LAMA2: variants seen among roughly 807,000 people sequenced by gnomAD.
The protein encoded by LAMA2 is laminin subunit alpha 2.
Under a neutral mutation model 364.8 loss-of-function variants are expected in LAMA2, and 269 were observed. The observed-to-expected ratio is 0.74, with a 90% CI of 0.67 to 0.82. The LOEUF (loss-of-function observed/expected upper bound fraction) is 0.82, where lower values mean the gene tolerates loss of function less well. Ranked by LOEUF, LAMA2 falls within the 40% of genes least tolerant of loss-of-function variation. LAMA2 has a pLI of 0.00. For synonymous variants in LAMA2, 1,379 were observed against 1,370.6 expected (o/e 1.01, Z -0.14); for missense variants, 3,807 against 3,873.2 (o/e 0.98, Z 0.45).
At chr6:129,329,869 C>T (rs1775528339) in intron 29 of LAMA2, among the ~76,000 whole-genome samples, 1 of 152,146 alleles carries the variant, frequency 6.6e-6, no homozygotes, top group Non-Finnish European at 1.5e-5. Context: ...AAGGAGCAAG[C>T]GCAGCTTCAT....
rs370181941 is a variant in LAMA2, at chr6:129,393,187, G to A, written c.5377G>A (p.Ala1793Thr). ...VDDAWDLLRE[A>T]TDKIREANRL... ...TGATGCTTGGGACCTTTTGAGAGAA[G>A]CCACAGATAAAATCAGAGAAGCTAA... is the stretch of plus-strand genomic sequence containing the variant. Residue 1793 changes from alanine to threonine, a missense_variant, in exon 37 of 65, where the codon GCC becomes ACC. By Grantham distance (58) the Ala-to-Thr change is moderately conservative. Around this residue, in one of 3 missense-constraint regions of LAMA2, gnomAD observed 3,333 missense variants for 3,345.7 expected, o/e 1.00. Transcript: ENST00000421865. 10 of 1,613,932 alleles carry A rather than the reference G, an allele frequency of 6.2e-6. No individual in the cohort carries two copies. In the African/African-American group the frequency reaches 1.2e-4, roughly 19 times the overall value.
chr6:128,965,979 G>GTTTTTTTTTTTTTTT (rs11342050), intron 1 of LAMA2, among the ~76,000 whole-genome samples: 1 of 112,796 alleles, frequency 8.9e-6, no homozygotes, highest in African/African-American at 3.4e-5. Flanking sequence ...TAAACCAGAG[G>GTTTTTTTTTTTTTTT]TTTTTTTTTT....
intron 1 of LAMA2, among the ~76,000 whole-genome samples, chr6:128,966,495 G>A (rs1393155761): frequency 2.0e-5 from 3 of 152,028 alleles, no homozygotes; most frequent in Non-Finnish European, 1.5e-5. Flanking sequence ...AATACATAAG[G>A]ACAAAGACTG....
At chr6:129,512,623 T>G in intron 63 of LAMA2, 130 bp downstream of exon 63, 1 of 1,022,540 alleles carries the variant, frequency 9.8e-7, no homozygotes, top group Non-Finnish European at 1.5e-6. Context: ...AGCTAAATTG[T>G]ATGTTTTCAT....
chr6:129,127,823 A>T (rs990347548), intron 4 of LAMA2, among the ~76,000 whole-genome samples: 1 of 151,846 alleles, frequency 6.6e-6, no homozygotes, highest in East Asian at 1.9e-4. Flanking sequence ...AGCAATGTCT[A>T]TTCAGCTTCC....
chr6:129,438,905 T>C (rs886849809), intron 42 of LAMA2, 143 bp downstream of exon 42: 2 of 663,270 alleles, frequency 3.0e-6, no homozygotes, highest in Non-Finnish European at 5.5e-6. Flanking sequence ...TGAATTCTTC[T>C]TTGTGAGAAT....
chr6:129,164,335 T>C (rs1779613514), intron 8 of LAMA2, among the ~76,000 whole-genome samples: 1 of 152,190 alleles, frequency 6.6e-6, no homozygotes, highest in Non-Finnish European at 1.5e-5. Context: ...ATTAAAACTT[T>C]TCAATTATTT....
intron 12 of LAMA2, among the ~76,000 whole-genome samples, chr6:129,234,726 A>G (rs1287451841): frequency 6.6e-6 from 1 of 152,188 alleles, no homozygotes; most frequent in Non-Finnish European, 1.5e-5. Flanking sequence ...TTGTGTATGT[A>G]CTTTTATGTT....
chr6:129,011,116 G>A (rs549326063), intron 1 of LAMA2, among the ~76,000 whole-genome samples: 21 of 152,230 alleles, frequency 1.4e-4, no homozygotes, highest in Non-Finnish European at 2.1e-4. Context: ...GAGTAGCTGG[G>A]ACTAGATTTA....
intron 37 of LAMA2, among the ~76,000 whole-genome samples, chr6:129,394,051 C>CT (rs976101586): frequency 2.6e-5 from 4 of 152,110 alleles, no homozygotes; most frequent in South Asian, 2.1e-4. Flanking sequence ...ATTTTTTCTT[C>CT]TTTTTTTTCC....
At chr6:129,049,872 A>T (rs776840476) in intron 1 of LAMA2, 46 bp from the exon 2 acceptor site, 1 of 1,548,734 alleles carries the variant, frequency 6.5e-7, no homozygotes, top group South Asian at 1.1e-5. Flanking sequence ...TCAAAATCCT[A>T]ACTTTGTTTC....
intron 49 of LAMA2, among the ~76,000 whole-genome samples, chr6:129,460,555 T>C (rs552985950): frequency 6.6e-6 from 1 of 152,200 alleles, no homozygotes; most frequent in African/African-American, 2.4e-5. Context: ...CATAGTCATA[T>C]GTTTTTATAA....
At chr6:129,512,623 T>C in intron 63 of LAMA2, 130 bp downstream of exon 63, 2 of 1,022,540 alleles carry the variant, frequency 2.0e-6, no homozygotes, top group Non-Finnish European at 1.5e-6. Context: ...AGCTAAATTG[T>C]ATGTTTTCAT....
At chr6:129,367,177 G>A (rs1259453292) in intron 33 of LAMA2, among the ~76,000 whole-genome samples, 1 of 152,154 alleles carries the variant, frequency 6.6e-6, no homozygotes, top group Admixed American at 6.5e-5. Flanking sequence ...GGTAGTTAAC[G>A]AGGTAGGAGA....
chr6:128,904,792 G>A (rs975919305), intron 1 of LAMA2, among the ~76,000 whole-genome samples: 1 of 152,108 alleles, frequency 6.6e-6, no homozygotes, highest in African/African-American at 2.4e-5. Context: ...TGCCAGGTCG[G>A]AACTTAGGCA....
chr6:129,055,576 C>A (rs774575186), intron 2 of LAMA2, among the ~76,000 whole-genome samples: 3 of 151,988 alleles, frequency 2.0e-5, no homozygotes, highest in Non-Finnish European at 2.9e-5. Flanking sequence ...AGAATAAAAC[C>A]CCACAAGAAT....
chr6:129,146,555 G>A (rs919721174), intron 5 of LAMA2, among the ~76,000 whole-genome samples: 1 of 151,952 alleles, frequency 6.6e-6, no homozygotes, highest in African/African-American at 2.4e-5. Context: ...AAAACAGTGT[G>A]CGTATGATTT....
intron 24 of LAMA2, 134 bp from the exon 25 acceptor site, chr6:129,315,342 T>A (rs753760520): frequency 6.7e-6 from 5 of 748,900 alleles, no homozygotes; most frequent in Non-Finnish European, 9.0e-6. Flanking sequence ...CCACTGCGTG[T>A]GAGTTCTGTT....
intron 47 of LAMA2, among the ~76,000 whole-genome samples, chr6:129,455,194 T>G (rs954470559): frequency 2.6e-5 from 4 of 151,924 alleles, no homozygotes; most frequent in Non-Finnish European, 5.9e-5. Flanking sequence ...ATCATGCCTG[T>G]GAATAACCAC....
Sources: gnomAD v4.1 joint callset for allele counts (sites outside exome capture counted in the v4.1 genomes callset) on GRCh38, gnomAD v4.1.1 for gene constraint, gnomAD v4.1.1 regional missense constraint, MANE v1.5 for transcripts, NCBI Gene and HGNC (gene_info 2026-07-23, HGNC 2026-07-21) for gene names.